The following KIAA0825 variants were observed in gnomAD, a reference collection of about 807,000 sequenced individuals.
KIAA0825 encodes the protein KIAA0825, also known as uncharacterized protein KIAA0825.
In KIAA0825, 119 loss-of-function variants were observed where a neutral mutation model predicts 147.6. The observed-to-expected ratio is 0.81, with a 90% confidence interval of 0.69 to 0.94. The LOEUF is 0.94. Ranked by LOEUF, KIAA0825 falls within the 40% of genes least tolerant of loss-of-function variation. KIAA0825 has a pLI of 0.00. For missense variants in KIAA0825, 1,381 were observed against 1,472.7 expected, an observed-to-expected ratio of 0.94 and a Z score of 1.02; for synonymous variants, 470 against 518.1, an observed-to-expected ratio of 0.91 and a Z score of 1.26.
chr5:94,290,439 C>T (rs1188733850), intron 20 of KIAA0825, among the ~76,000 whole-genome samples: 1 of 152,128 alleles, frequency 6.6e-6, no homozygotes, highest in Non-Finnish European at 1.5e-5. Flanking sequence ...ACAGCTTCAT[C>T]CATGTCCCTG....
intron 20 of KIAA0825, among the ~76,000 whole-genome samples, chr5:94,358,777 C>T (rs1306051443): frequency 6.6e-6 from 1 of 152,178 alleles, no homozygotes; most frequent in Non-Finnish European, 1.5e-5. Flanking sequence ...GCATAATATT[C>T]TGGTGCAGTT....
chr5:94,473,270 T>C, intron 8 of KIAA0825, 22 bp downstream of exon 8: 13 of 1,534,962 alleles, frequency 8.5e-6, no homozygotes, highest in Non-Finnish European at 1.1e-5. Context: ...GTCAGCAGTT[T>C]GAAAGGATTT....
chr5:94,506,774 G>A (rs1021218506), intron 5 of KIAA0825, among the ~76,000 whole-genome samples: 8 of 152,116 alleles, frequency 5.3e-5, no homozygotes, highest in African/African-American at 1.9e-4. Context: ...AATAAAGTAG[G>A]TTCTCTATCT....
intron 16 of KIAA0825, among the ~76,000 whole-genome samples, chr5:94,397,131 T>A (rs1750769138): frequency 6.6e-6 from 1 of 152,158 alleles, no homozygotes; most frequent in African/African-American, 2.4e-5. Context: ...TCCTGCACAC[T>A]GTCACCCTCT....
At chr5:94,352,047 C>T (rs982553063) in intron 20 of KIAA0825, among the ~76,000 whole-genome samples, 5 of 152,130 alleles carry the variant, frequency 3.3e-5, no homozygotes, top group South Asian at 2.1e-4. Flanking sequence ...AACCCAAAAG[C>T]AAATGCAATA....
intron 20 of KIAA0825, among the ~76,000 whole-genome samples, chr5:94,283,918 A>G (rs1250387972): frequency 1.3e-5 from 2 of 152,144 alleles, no homozygotes; most frequent in Non-Finnish European, 2.9e-5. Flanking sequence ...TGATGGAATC[A>G]AATGTTGATA....
intron 20 of KIAA0825, among the ~76,000 whole-genome samples, chr5:94,366,944 A>G (rs2150431717): frequency 6.6e-6 from 1 of 152,326 alleles, no homozygotes; most frequent in African/African-American, 2.4e-5. Context: ...ATTGGCTAGC[A>G]AGTTAGAACT....
At chr5:94,513,388 T>C (rs1766776872) in intron 5 of KIAA0825, among the ~76,000 whole-genome samples, 1 of 152,172 alleles carries the variant, frequency 6.6e-6, no homozygotes, top group Admixed American at 6.6e-5. Flanking sequence ...CATTAGTGTT[T>C]CAATGTCAGA....
intron 1 of KIAA0825, among the ~76,000 whole-genome samples, chr5:94,601,887 G>C (rs562121300): frequency 6.6e-5 from 10 of 152,262 alleles, no homozygotes; most frequent in Middle Eastern, 6.8e-3. Flanking sequence ...AGAAATATGG[G>C]GTTACGTAAA....
At chr5:94,526,302 T>G (rs1223067102) in intron 3 of KIAA0825, among the ~76,000 whole-genome samples, 1 of 151,932 alleles carries the variant, frequency 6.6e-6, no homozygotes, top group East Asian at 1.9e-4. Flanking sequence ...TGTAAGGAAA[T>G]GCACTGGAAT....
chr5:94,312,546 A>G (rs1341835387), intron 20 of KIAA0825, among the ~76,000 whole-genome samples: 2 of 151,660 alleles, frequency 1.3e-5, no homozygotes, highest in South Asian at 2.1e-4. Context: ...CTTCTTAAGC[A>G]CGCTTTTGCA....
chr5:94,298,870 T>G (rs1264695607), intron 20 of KIAA0825, among the ~76,000 whole-genome samples: 1 of 152,202 alleles, frequency 6.6e-6, no homozygotes, highest in Non-Finnish European at 1.5e-5. Context: ...GTTGTCAAGA[T>G]GTAAAAATGT....
chr5:94,485,298 T>A (rs905033098), intron 5 of KIAA0825, among the ~76,000 whole-genome samples: 1 of 151,606 alleles, frequency 6.6e-6, no homozygotes, highest in African/African-American at 2.4e-5. Flanking sequence ...TGAGGGACAG[T>A]CTACAAAATA....
chr5:94,464,946 C>A lies in KIAA0825; in HGVS notation c.1986G>T (p.Val662=), dbSNP rs558110639. 46 of 1,551,540 alleles carry A rather than the reference C, an allele frequency of 3.0e-5. No homozygotes were observed. The African/African-American group carries it at 5.2e-4, about 18-fold the overall frequency. The change falls in exon 11 of 21, where the codon GTG becomes GTT. Residue 662 remains valine (V), a synonymous_variant. Coordinates refer to ENST00000682413, the MANE Select transcript of KIAA0825 (RefSeq NM_001145678.3). The part of the protein sequence containing the change: ...PKLAQEILVE[V]LEKSLSLLAS... ...CCAGTAGACTCAAAGATTTCTCCAG[C>A]ACTTCCACTAGAATCTCCTGGGCTA...
chr5:94,577,787 A>G (rs781592353), intron 2 of KIAA0825, among the ~76,000 whole-genome samples: 1 of 152,220 alleles, frequency 6.6e-6, no homozygotes, highest in East Asian at 1.9e-4. Context: ...GAGACCATTC[A>G]ACCTTTAAAC....
At chr5:94,211,878 T>C (rs1432796662) in intron 20 of KIAA0825, among the ~76,000 whole-genome samples, 7 of 152,184 alleles carry the variant, frequency 4.6e-5, no homozygotes, top group Non-Finnish European at 7.4e-5. Flanking sequence ...ACTAGGTATT[T>C]TATATATACG....
intron 2 of KIAA0825, among the ~76,000 whole-genome samples, chr5:94,542,726 G>A (rs1773579568): frequency 6.6e-6 from 1 of 152,068 alleles, no homozygotes; most frequent in Non-Finnish European, 1.5e-5. Flanking sequence ...AGAATCACTT[G>A]AACCTGGGAG....
intron 4 of KIAA0825, 24 bp downstream of exon 4, chr5:94,523,905 AT>A: frequency 6.7e-7 from 1 of 1,488,678 alleles, no homozygotes; most frequent in Non-Finnish European, 9.3e-7. Flanking sequence ...ATCCCACTCC[AT>A]GATAAAATAA....
intron 18 of KIAA0825, among the ~76,000 whole-genome samples, chr5:94,389,432 G>T (rs780052379): frequency 2.6e-5 from 4 of 152,170 alleles, no homozygotes; most frequent in Non-Finnish European, 4.4e-5. Flanking sequence ...GTTGATAGGG[G>T]TGTGGCACAA....
Sources: allele counts gnomAD v4.1 joint callset (sites outside exome capture counted in the v4.1 genomes callset), GRCh38; gene constraint gnomAD v4.1.1; transcripts MANE v1.5; gene names NCBI Gene and HGNC (gene_info 2026-07-23, HGNC 2026-07-21).